Variants in LRP12 observed in about 807,000 individuals in gnomAD.
LRP12 encodes low-density lipoprotein receptor-related protein 12.
Under a neutral mutation model 66.0 loss-of-function variants are expected in LRP12, and 14 were observed. The ratio of observed to expected loss-of-function variants is 0.21; its 90% confidence interval spans 0.14 to 0.33. The LOEUF (loss-of-function observed/expected upper bound fraction) is 0.33, where lower values mean the gene tolerates loss of function less well. LRP12 is among the 10% of genes least tolerant of loss of function. The pLI is 1.00. For synonymous variants in LRP12, 357 were observed against 359.1 expected, an observed-to-expected ratio of 0.99 and a Z score of 0.07; for missense variants, 889 against 1,053.4, an observed-to-expected ratio of 0.84 and a Z score of 2.16.
intron 3 of LRP12, 26 bp from the exon 4 acceptor site, chr8:104,499,545 T>C (rs1810792261): frequency 1.3e-6 from 2 of 1,540,894 alleles, no homozygotes; most frequent in Non-Finnish European, 1.8e-6. Context: ...GAAATGTCTA[T>C]TAAAAAGTCA....
chr8:104,501,208 T>C (rs1479351445), intron 3 of LRP12, among the ~76,000 whole-genome samples: 1 of 152,124 alleles, frequency 6.6e-6, no homozygotes, highest in African/African-American at 2.4e-5. Flanking sequence ...ACATTCTTTC[T>C]CTCCAATAGT....
At chr8:104,535,917 A>G (rs1320291029) in intron 1 of LRP12, among the ~76,000 whole-genome samples, 1 of 152,118 alleles carries the variant, frequency 6.6e-6, no homozygotes, top group East Asian at 1.9e-4. Flanking sequence ...CTGCCACAGC[A>G]TTCCAATTTG....
chr8:104,566,288 G>C (rs67555988), intron 1 of LRP12: 1 of 360,290 alleles, frequency 2.8e-6, no homozygotes. Flanking sequence ...AAAAAATTAG[G>C]AGACCAACAT....
At chr8:104,514,056 C>T (rs142125778) in intron 2 of LRP12, among the ~76,000 whole-genome samples, 61 of 152,196 alleles carry the variant, frequency 4.0e-4, no homozygotes, top group Middle Eastern at 3.4e-3. Flanking sequence ...ATACTACAGG[C>T]GTTTTCAAGA....
chr8:104,518,523 G>A (rs1046613460), intron 2 of LRP12, among the ~76,000 whole-genome samples: 1 of 151,956 alleles, frequency 6.6e-6, no homozygotes, highest in African/African-American at 2.4e-5. Flanking sequence ...GCATTTAAAT[G>A]ACAAAAGTGG....
intron 1 of LRP12, among the ~76,000 whole-genome samples, chr8:104,580,358 T>TAC (rs1554712302): frequency 0.087 from 7,968 of 92,058 alleles, 270 homozygotes; most frequent in African/African-American, 0.19. Context: ...CTACTAAAAA[T>TAC]AAAAAAAAAA....
chr8:104,515,300 C>T (rs141461359), intron 2 of LRP12, among the ~76,000 whole-genome samples: 107 of 152,200 alleles, frequency 7.0e-4, no homozygotes, highest in African/African-American at 2.4e-3. Context: ...CTAATTCTTC[C>T]TTAAGAATTA....
At chr8:104,541,822 C>G (rs1811482400) in intron 1 of LRP12, among the ~76,000 whole-genome samples, 1 of 152,134 alleles carries the variant, frequency 6.6e-6, no homozygotes, top group Non-Finnish European at 1.5e-5. Flanking sequence ...CATCCTTGTA[C>G]CATGACTCAG....
chr8:104,518,948 A>G (rs1811110510), intron 2 of LRP12, among the ~76,000 whole-genome samples: 1 of 152,032 alleles, frequency 6.6e-6, no homozygotes, highest in African/African-American at 2.4e-5. Flanking sequence ...CATAGAGTCT[A>G]TGGGCCACTG....
intron 1 of LRP12, among the ~76,000 whole-genome samples, chr8:104,588,393 C>A (rs974402536): frequency 2.0e-5 from 3 of 152,158 alleles, no homozygotes; most frequent in African/African-American, 7.2e-5. Flanking sequence ...TTCCTAACCC[C>A]GGGTTGAGGG....
intron 2 of LRP12, among the ~76,000 whole-genome samples, chr8:104,525,180 C>A (rs1010893175): frequency 6.6e-6 from 1 of 152,020 alleles, no homozygotes; most frequent in South Asian, 2.1e-4. Flanking sequence ...TATAAAAATA[C>A]CATTTGTCTT....
At chr8:104,585,023 C>A (rs1181685837) in intron 1 of LRP12, among the ~76,000 whole-genome samples, 7 of 152,164 alleles carry the variant, frequency 4.6e-5, no homozygotes, top group Non-Finnish European at 7.3e-5. Flanking sequence ...TAGAATACTA[C>A]TGTGAACAGT....
intron 1 of LRP12, among the ~76,000 whole-genome samples, chr8:104,565,209 C>T (rs961610727): frequency 3.3e-5 from 5 of 152,054 alleles, no homozygotes; most frequent in African/African-American, 1.2e-4. Flanking sequence ...GTGCATATAT[C>T]CACACAACTA....
intron 1 of LRP12, among the ~76,000 whole-genome samples, chr8:104,548,312 TATAA>T (rs1362267414): frequency 3.3e-5 from 1 of 30,426 alleles, no homozygotes; most frequent in Non-Finnish European, 4.9e-5. Context: ...ATATATATTA[TATAA>T]ATATATAATA....
chr8:104,496,455 TCTCC>T (rs1810728623), intron 5 of LRP12, among the ~76,000 whole-genome samples: 1 of 152,172 alleles, frequency 6.6e-6, no homozygotes, highest in Non-Finnish European at 1.5e-5. Context: ...TTTCTGCCTC[TCTCC>T]CTCATTAGAT....
intron 5 of LRP12, chr8:104,496,121 T>G (rs964902917): frequency 6.6e-6 from 1 of 152,162 alleles, no homozygotes; most frequent in Admixed American, 6.5e-5. Flanking sequence ...CAGGTCCCAT[T>G]TATCCTGCAT....
intron 6 of LRP12, among the ~76,000 whole-genome samples, 189 bp from the exon 7 acceptor site, chr8:104,491,728 T>G (rs547529921): frequency 6.6e-6 from 1 of 152,322 alleles, no homozygotes; most frequent in East Asian, 1.9e-4. Flanking sequence ...GAATCTAATC[T>G]ACTAATCTAA....
intron 1 of LRP12, among the ~76,000 whole-genome samples, chr8:104,574,993 A>C (rs1003839158): frequency 6.6e-6 from 1 of 152,192 alleles, no homozygotes; most frequent in Non-Finnish European, 1.5e-5. Flanking sequence ...GAGTTAACCT[A>C]GAGAAGAAAG....
intron 2 of LRP12, among the ~76,000 whole-genome samples, chr8:104,528,511 A>T (rs1811278250): frequency 6.6e-6 from 1 of 152,200 alleles, no homozygotes; most frequent in Admixed American, 6.5e-5. Flanking sequence ...ACGGTGGCTC[A>T]TGCCTGTAAT....
Sources: allele counts gnomAD v4.1 joint callset (sites outside exome capture counted in the v4.1 genomes callset), GRCh38; gene constraint gnomAD v4.1.1; transcripts MANE v1.5; gene names NCBI Gene and HGNC (gene_info 2026-07-23, HGNC 2026-07-21).